Variants in ZNF827 observed in about 807,000 individuals in gnomAD.
ZNF827 encodes the protein zinc finger protein 827.
A neutral mutation model predicts 102.4 loss-of-function variants in ZNF827; 13 were observed. The ratio of observed to expected loss-of-function variants is 0.13; its 90% confidence interval spans 0.08 to 0.20. The LOEUF (loss-of-function observed/expected upper bound fraction) is 0.20. ZNF827 is among the 10% of genes least tolerant of loss of function. ZNF827 has a pLI of 1.00. For missense variants in ZNF827, 1,103 were observed against 1,344.4 expected, an observed-to-expected ratio of 0.82 and a Z score of 2.81; for synonymous variants, 523 against 536.2, an observed-to-expected ratio of 0.98 and a Z score of 0.34.
intron 1 of ZNF827, among the ~76,000 whole-genome samples, chr4:145,923,953 C>T (rs1238760271): frequency 6.6e-6 from 1 of 152,170 alleles, no homozygotes; most frequent in Non-Finnish European, 1.5e-5. Context: ...TCAGGCTAAA[C>T]TGATATGTAC....
intron 4 of ZNF827, among the ~76,000 whole-genome samples, chr4:145,881,186 T>A (rs1361976589): frequency 1.3e-5 from 2 of 152,276 alleles, no homozygotes; most frequent in Admixed American, 1.3e-4. Flanking sequence ...TACGTTTATA[T>A]GTGAACACCT....
At chr4:145,886,846 G>A (rs183040245) in intron 3 of ZNF827, among the ~76,000 whole-genome samples, 3 of 152,272 alleles carry the variant, frequency 2.0e-5, no homozygotes, top group Non-Finnish European at 4.4e-5. Context: ...AGATTCTGAC[G>A]TCTGCAATGA....
chr4:145,869,413 G>A (rs1219901578), intron 5 of ZNF827, among the ~76,000 whole-genome samples: 1 of 152,136 alleles, frequency 6.6e-6, no homozygotes, highest in African/African-American at 2.4e-5. Context: ...AACAGCTTTC[G>A]ATTCATATTA....
chr4:145,763,269 A>G lies in ZNF827; in HGVS notation c.3231-147T>C. ...GGACATTTCTGTGACCCACAGCTCAATCTTTCTTTCACTGCTCAGGCAAAG... is the reference window on the plus strand; with the variant it reads ...GGACATTTCTGTGACCCACAGCTCAGTCTTTCTTTCACTGCTCAGGCAAAG... On this transcript the variant is annotated intron_variant, in intron 13 of 14. Transcript: ENST00000508784. This position sits in a 1 kb window ranked among gnomAD's most constrained non-coding sequence, Gnocchi z 4.6. The G allele has an allele frequency of 1.2e-6, 1 of 837,144 alleles. No individual in the cohort carries two copies. 51.9% of individuals were successfully genotyped at this position (837,144 alleles called of 1,614,324 possible). A position where few individuals can be genotyped will look rare whatever the true frequency, so the allele number is the denominator to read the frequency against.
At chr4:145,865,425 G>A (rs1748097438) in intron 5 of ZNF827, among the ~76,000 whole-genome samples, 1 of 152,152 alleles carries the variant, frequency 6.6e-6, no homozygotes, top group Non-Finnish European at 1.5e-5. Flanking sequence ...CCTCAGCACA[G>A]TGCTTCTCAA....
chr4:145,904,100 G>A (rs774357976), intron 1 of ZNF827, among the ~76,000 whole-genome samples: 31 of 152,156 alleles, frequency 2.0e-4, no homozygotes, highest in Non-Finnish European at 3.8e-4. Context: ...CAGTTAGGCA[G>A]GCTCCTTGCC....
At position 145,892,429 on chromosome 4, in the gene ZNF827, G is replaced by C; in HGVS notation, c.1094-14C>G. 1 of 1,605,358 alleles carries C rather than the reference G, an allele frequency of 6.2e-7. No homozygotes were observed. Among genetic ancestry groups the C allele is most frequent in the Non-Finnish European group, 8.5e-7 (1 of 1,175,282 alleles). On this transcript the variant is annotated splice_polypyrimidine_tract_variant and intron_variant, in intron 2 of 14. Transcript: ENST00000508784. ...CCTCTTCTGAGGCTTGGAAGAAGGA[G>C]AAAGAAAGGACCATTAAGGAAAACA...
chr4:145,914,921 T>G (rs986546020), intron 1 of ZNF827, among the ~76,000 whole-genome samples: 2 of 152,242 alleles, frequency 1.3e-5, no homozygotes, highest in African/African-American at 4.8e-5. Flanking sequence ...GAGGAGCCAT[T>G]CATTCCATCC....
intron 8 of ZNF827, among the ~76,000 whole-genome samples, chr4:145,793,079 G>A (rs534354398): frequency 6.6e-6 from 1 of 151,368 alleles, no homozygotes; most frequent in East Asian, 1.9e-4. Flanking sequence ...ATAAATATTT[G>A]TGGATTTGCT....
chr4:145,807,222 A>T (rs1741540980), intron 8 of ZNF827, among the ~76,000 whole-genome samples: 1 of 152,158 alleles, frequency 6.6e-6, no homozygotes, highest in South Asian at 2.1e-4. Flanking sequence ...TCTGACAAAG[A>T]CCTATCCTGT....
At chr4:145,823,717 T>C (rs889888469) in intron 7 of ZNF827, among the ~76,000 whole-genome samples, 192 bp from the exon 8 acceptor site, 2 of 152,254 alleles carry the variant, frequency 1.3e-5, no homozygotes, top group African/African-American at 4.8e-5. Flanking sequence ...AAGTGCCAGC[T>C]GTACCTTCTG....
chr4:145,923,847 T>G (rs1753243758), intron 1 of ZNF827, among the ~76,000 whole-genome samples: 2 of 152,188 alleles, frequency 1.3e-5, no homozygotes, highest in African/African-American at 4.8e-5. Flanking sequence ...ATAGATACAA[T>G]GCATACGCAC....
chr4:145,807,467 C>A (rs1741566208), intron 8 of ZNF827, among the ~76,000 whole-genome samples: 2 of 151,764 alleles, frequency 1.3e-5, no homozygotes, highest in South Asian at 4.2e-4. Context: ...TTTTCTTTTT[C>A]ATGTCCCAGT....
chr4:145,813,718 G>C (rs1018781621), intron 8 of ZNF827, among the ~76,000 whole-genome samples: 1 of 152,350 alleles, frequency 6.6e-6, no homozygotes, highest in Non-Finnish European at 1.5e-5. Context: ...GATGACAACA[G>C]GAAGCCCCCC....
At chr4:145,886,280 G>A in intron 3 of ZNF827, 122 bp from the exon 4 acceptor site, 1 of 1,413,526 alleles carries the variant, frequency 7.1e-7, no homozygotes, top group South Asian at 1.5e-5. Context: ...TTGTACTGCA[G>A]AGCATTTCAC....
chr4:145,887,649 C>T (rs1028592222), intron 3 of ZNF827, among the ~76,000 whole-genome samples: 4 of 152,204 alleles, frequency 2.6e-5, no homozygotes, highest in Admixed American at 6.5e-5. Flanking sequence ...CACTGATTGT[C>T]ACCAGCTGTT....
chr4:145,919,240 A>G (rs1752893791), intron 1 of ZNF827, among the ~76,000 whole-genome samples: 1 of 152,216 alleles, frequency 6.6e-6, no homozygotes, highest in South Asian at 2.1e-4. Flanking sequence ...TATAAGAGTT[A>G]AGATCCTGTC....
chr4:145,841,025 A>G (rs1745365120), intron 7 of ZNF827, among the ~76,000 whole-genome samples: 2 of 152,366 alleles, frequency 1.3e-5, no homozygotes, highest in South Asian at 4.1e-4. Flanking sequence ...TAATGGAGAA[A>G]AGAACAATTC....
At chr4:145,773,704 T>C (rs1736620884) in intron 11 of ZNF827, among the ~76,000 whole-genome samples, 1 of 152,206 alleles carries the variant, frequency 6.6e-6, no homozygotes, top group Non-Finnish European at 1.5e-5. Flanking sequence ...GAAGCTTAAA[T>C]AACAGGCGAG....
Sources: gnomAD v4.1 joint callset for allele counts (sites outside exome capture counted in the v4.1 genomes callset) on GRCh38, gnomAD v4.1.1 for gene constraint, Gnocchi (gnomAD v3.1) non-coding constraint, MANE v1.5 for transcripts, NCBI Gene and HGNC (gene_info 2026-07-23, HGNC 2026-07-21) for gene names.